Variants in SMYD3 observed in about 807,000 individuals in gnomAD.
SMYD3 encodes the protein histone-lysine N-methyltransferase SMYD3.
SMYD3 carries 36 observed loss-of-function variants against 57.7 expected under a neutral mutation model. That is an observed-to-expected ratio of 0.62 (90% CI 0.48 to 0.82). The LOEUF is 0.82. Among genes scored for constraint, SMYD3 ranks in the 40% least tolerant of loss-of-function variants. The pLI, the probability that SMYD3 is intolerant of heterozygous loss-of-function variation, is 0.00. For missense variants in SMYD3, 515 were observed against 538.8 expected (o/e 0.96, Z 0.44); for synonymous variants, 211 against 195.0 (o/e 1.08, Z -0.68).
intron 1 of SMYD3, among the ~76,000 whole-genome samples, chr1:246,401,778 A>C (rs2066774005): frequency 6.6e-6 from 1 of 151,254 alleles, no homozygotes; most frequent in Non-Finnish European, 1.5e-5. Flanking sequence ...ACTGGAGTGC[A>C]ATGGCACGAT....
chr1:246,282,302 CTACAAAAAAAAAAAAAA>C (rs1462858922), intron 5 of SMYD3, among the ~76,000 whole-genome samples: 9 of 45,448 alleles, frequency 2.0e-4, no homozygotes, highest in African/African-American at 7.4e-4. Flanking sequence ...ACCCTCATCT[CTACAAAAAAAAAAAAAA>C]AAAAAAAAAA....
intron 5 of SMYD3, among the ~76,000 whole-genome samples, chr1:246,127,767 G>A (rs890491498): frequency 2.6e-5 from 4 of 151,974 alleles, no homozygotes; most frequent in Non-Finnish European, 5.9e-5. Flanking sequence ...ATGATAGCGC[G>A]TGCCTGTAAT....
chr1:246,414,422 G>C (rs2067024266), intron 1 of SMYD3, among the ~76,000 whole-genome samples: 1 of 152,202 alleles, frequency 6.6e-6, no homozygotes, highest in African/African-American at 2.4e-5. Context: ...ATGGGACACA[G>C]AGGAGGGTCC....
intron 7 of SMYD3, among the ~76,000 whole-genome samples, chr1:245,926,982 C>T (rs1256935479): frequency 6.6e-6 from 1 of 152,222 alleles, no homozygotes; most frequent in African/African-American, 2.4e-5. Context: ...GCTCCTTCCA[C>T]TGAAAATCAG....
chr1:246,285,958 G>A (rs1266085995), intron 5 of SMYD3, among the ~76,000 whole-genome samples: 1 of 152,116 alleles, frequency 6.6e-6, no homozygotes, highest in Non-Finnish European at 1.5e-5. Flanking sequence ...TCTCCCGCAA[G>A]AATGGCCATA....
At chr1:245,822,291 G>C (rs113921447) in intron 10 of SMYD3, among the ~76,000 whole-genome samples, 1 of 149,112 alleles carries the variant, frequency 6.7e-6, no homozygotes, top group African/African-American at 2.5e-5. Context: ...GTAAACTATC[G>C]CAAGAACAAA....
rs576683304 is a variant in SMYD3 at position 245,806,802 on chromosome 1, C to G, written c.1077-42653G>C. 1.0e-4 allele frequency among the ~76,000 whole-genome samples: 15 copies of G among 149,108 alleles called. No homozygotes were observed. In the South Asian group the frequency reaches 1.1e-3, roughly 11 times the overall value. On this transcript the variant is annotated intron_variant, in intron 10 of 11. Coordinates refer to ENST00000490107, the MANE Select transcript of SMYD3 (RefSeq NM_001167740.2). ...GCGGGCGCCTGTAGTCCCAGCTACT[C>G]GGGAGGCTGAGGCAGGAGAATGGCG...
At chr1:245,903,943 T>TC (rs573139184) in intron 8 of SMYD3, among the ~76,000 whole-genome samples, 11 of 152,288 alleles carry the variant, frequency 7.2e-5, no homozygotes, top group East Asian at 1.9e-4. Context: ...AGAGACATTT[T>TC]CCCCGCTGTC....
At chr1:246,126,276 T>C (rs144662188) in intron 5 of SMYD3, among the ~76,000 whole-genome samples, 84 of 152,344 alleles carry the variant, frequency 5.5e-4, no homozygotes, top group Middle Eastern at 3.4e-3. Flanking sequence ...TGGTAGACTG[T>C]AGCCAGGCCT....
chr1:246,360,000 T>C (rs6698393), intron 1 of SMYD3, among the ~76,000 whole-genome samples: 83,331 of 151,918 alleles, frequency 0.55, 23,587 homozygotes, highest in Middle Eastern at 0.72. Context: ...GTATCCAAAT[T>C]AGTAGAGGAA....
rs114873856 is a variant in SMYD3 at position 245,765,710 on chromosome 1, G to A, written c.1077-1561C>T. 2.6e-3 allele frequency among the ~76,000 whole-genome samples: 402 copies of A among 152,208 alleles called. 2 individuals carry two copies. The highest frequency in any genetic ancestry group is 9.2e-3 in the African/African-American group (380 of 41,520). The stretch of plus-strand genomic sequence containing the variant: ...AGGAGAAGGGAAGCATATCCCAACC[G>A]TCAGAGAGAACGAGCAAGGGCACAC... On this transcript the variant is annotated intron_variant, in intron 10 of 11. Transcript: ENST00000490107.
chr1:246,217,572 C>T (rs2063184359), intron 5 of SMYD3, among the ~76,000 whole-genome samples: 1 of 152,014 alleles, frequency 6.6e-6, no homozygotes, highest in African/African-American at 2.4e-5. Context: ...GTGAACAAGA[C>T]TCAGCAGAAG....
intron 10 of SMYD3, among the ~76,000 whole-genome samples, chr1:245,777,685 A>G (rs2046660089): frequency 6.6e-6 from 1 of 152,176 alleles, no homozygotes; most frequent in Non-Finnish European, 1.5e-5. Context: ...GGCTCAAGGT[A>G]TTTCCTAGAG....
chr1:246,347,668 G>A (rs2065746329), intron 2 of SMYD3, among the ~76,000 whole-genome samples: 1 of 152,126 alleles, frequency 6.6e-6, no homozygotes, highest in Non-Finnish European at 1.5e-5. Context: ...CTCATGGGCA[G>A]GATTAATTCC....
rs536838840 is a variant in SMYD3, at chr1:245,980,736, C to T, written c.532-50799G>A. On this transcript the variant is annotated intron_variant, in intron 5 of 11. Coordinates refer to ENST00000490107, the MANE Select transcript of SMYD3 (RefSeq NM_001167740.2). Reference sequence around the variant, plus strand: ...AAATGCACTTATTCTCTATGGCTGCCGACGTTGACTGGAAAGCTGCTTTGC... The same window carrying T: ...AAATGCACTTATTCTCTATGGCTGCTGACGTTGACTGGAAAGCTGCTTTGC... 2.8e-3 allele frequency among the ~76,000 whole-genome samples: 434 copies of T among 152,306 alleles called. 3 individuals carry two copies. Among genetic ancestry groups the T allele is most frequent in the Non-Finnish European group, 3.0e-3 (204 of 68,024 alleles).
At chr1:246,374,423 A>G (rs900855366) in intron 1 of SMYD3, among the ~76,000 whole-genome samples, 9 of 152,338 alleles carry the variant, frequency 5.9e-5, no homozygotes, top group South Asian at 4.1e-4. Flanking sequence ...ACAAGAAGAC[A>G]CTGCCTTCTC....
chr1:245,854,144 T>C (rs9662617), intron 10 of SMYD3, among the ~76,000 whole-genome samples: 24,057 of 152,166 alleles, frequency 0.16, 2,734 homozygotes, highest in East Asian at 0.58. Flanking sequence ...AAAGAAGAGA[T>C]GAAGGCCCTA....
At chr1:246,083,295 A>C (rs955203565) in intron 5 of SMYD3, among the ~76,000 whole-genome samples, 7 of 152,192 alleles carry the variant, frequency 4.6e-5, no homozygotes, top group African/African-American at 1.4e-4. Context: ...TGCGGGCAGC[A>C]ATACTGCTCT....
chr1:246,368,456 C>G (rs892430062), intron 1 of SMYD3, among the ~76,000 whole-genome samples: 4 of 152,126 alleles, frequency 2.6e-5, no homozygotes, highest in African/African-American at 9.7e-5. Flanking sequence ...CCACAGAATC[C>G]ACTTTAAACT....
Sources: gnomAD v4.1 joint callset for allele counts (sites outside exome capture counted in the v4.1 genomes callset) on GRCh38, gnomAD v4.1.1 for gene constraint, MANE v1.5 for transcripts, NCBI Gene and HGNC (gene_info 2026-07-23, HGNC 2026-07-21) for gene names.